YPEL5: variants seen among roughly 807,000 people sequenced by gnomAD.
YPEL5 encodes the protein yippee like 5, also known as protein yippee-like 5.
YPEL5 carries 1 observed loss-of-function variant against 10.5 expected under a neutral mutation model. The observed-to-expected ratio is 0.10, with a 90% CI of 0.03 to 0.45. The LOEUF (loss-of-function observed/expected upper bound fraction) is 0.45. Among genes scored for constraint, YPEL5 ranks in the 20% least tolerant of loss-of-function variants. The pLI is 0.97. For missense variants in YPEL5, 68 were observed against 159.3 expected (o/e 0.43, Z 3.09); for synonymous variants, 61 against 56.6 (o/e 1.08, Z -0.35).
chr2:30,154,195 C>T (rs1675937472), intron 1 of YPEL5, among the ~76,000 whole-genome samples: 1 of 152,202 alleles, frequency 6.6e-6, no homozygotes, highest in African/African-American at 2.4e-5. Flanking sequence ...TACTAGTCTT[C>T]AAAGACATAC....
Position 30,158,784 on chromosome 2 carries a change from C to T in YPEL5, c.307C>T (p.Arg103Cys). 2 of 1,614,172 alleles carry T rather than the reference C, an allele frequency of 1.2e-6. No homozygotes were observed. The highest frequency in any genetic ancestry group is 1.7e-6 in the Non-Finnish European group (2 of 1,180,026). Reference protein sequence around the residue: ...RYKEGRVILERALVRESEGFE... With the variant: ...RYKEGRVILECALVRESEGFE... ...TAAGGAAGGCCGCGTGATCCTGGAA[C>T]GTGCTCTAGTTCGAGAGAGTGAGGG... Residue 103 changes from arginine to cysteine, a missense_variant, in exon 3 of 3, where the codon CGT (arginine) becomes TGT (cysteine). Physicochemically the swap from Arg to Cys is radical, Grantham distance 180. Around this residue, in one of 2 missense-constraint regions of YPEL5, gnomAD observed 48 missense variants for 138.4 expected, o/e 0.35. Coordinates refer to ENST00000261353, the MANE Select transcript of YPEL5 (RefSeq NM_016061.3).
rs73923271 is a variant in YPEL5 at position 30,153,353 on chromosome 2, C to T, written c.-24-3275C>T. 9.0e-3 allele frequency among the ~76,000 whole-genome samples: 1,372 copies of T among 152,258 alleles called. 26 individuals carry two copies. Among genetic ancestry groups the T allele is most frequent in the African/African-American group, 0.032 (1,318 of 41,538 alleles). On this transcript the variant is annotated intron_variant, in intron 1 of 2. Transcript: ENST00000261353. ...AAGATTCAATGTCTGTTGATGGTAC[C>T]TTTTAGCTTCGTCCTCACATGGTGG...
rs1676223887 is a variant in YPEL5 at position 30,160,317 on chromosome 2, A to G, written c.*1474A>G. The G allele has an allele frequency of 6.6e-6, 1 of 152,228 alleles. No homozygotes were observed. The highest frequency in any genetic ancestry group is 2.4e-5 in the African/African-American group (1 of 41,460). The allele number at this position is 152,228 out of a possible 1,614,324, so 9.4% of individuals were successfully genotyped here. ...CCTATTTGCCACTGGGCTGTTGGTTAGAAGCATAGGTAACTGATTAAGTAG... is the reference window on the plus strand; with the variant it reads ...CCTATTTGCCACTGGGCTGTTGGTTGGAAGCATAGGTAACTGATTAAGTAG... On this transcript the variant is annotated 3_prime_UTR_variant, in exon 3 of 3. Coordinates refer to ENST00000261353, the MANE Select transcript of YPEL5 (RefSeq NM_016061.3).
chr2:30,156,913 C>G lies in YPEL5; in HGVS notation c.141+121C>G, dbSNP rs769302790. ...AGTCAGAATGAGAGCTTGAAATCTA[C>G]AGAAATGATTGCCCACTAGCTCGTC... On this transcript the variant is annotated intron_variant, in intron 2 of 2. Coordinates refer to ENST00000261353, the MANE Select transcript of YPEL5 (RefSeq NM_016061.3). The G allele has an allele frequency of 7.0e-5, 85 of 1,206,382 alleles. No individual in the cohort carries two copies. The Middle Eastern group carries it at 9.8e-4, about 14-fold the overall frequency. The allele number at this position is 1,206,382 out of a possible 1,614,324, so 74.7% of individuals were successfully genotyped here.
intron 1 of YPEL5, among the ~76,000 whole-genome samples, chr2:30,152,457 T>G (rs1333101599): frequency 1.3e-5 from 2 of 152,192 alleles, no homozygotes; most frequent in African/African-American, 4.8e-5. Flanking sequence ...GAAGTCTTGT[T>G]AATTTTGCAG....
chr2:30,158,488 A>T, intron 2 of YPEL5, 131 bp from the exon 3 acceptor site: 1 of 840,464 alleles, frequency 1.2e-6, no homozygotes, highest in Non-Finnish European at 1.9e-6. Flanking sequence ...CTTGCGTATT[A>T]TAGGTTTGAC....
Position 30,159,406 on chromosome 2 carries a change from T to A in YPEL5, c.*563T>A, listed in dbSNP as rs1199369994. ...CAGAGCCCATTCTTCCTTGTCAGTC[T>A]TGGCCCAAAGATGTCACCATTCCTA... On this transcript the variant is annotated 3_prime_UTR_variant, in exon 3 of 3. Transcript: ENST00000261353. 1 of 153,348 alleles carries A rather than the reference T, an allele frequency of 6.5e-6. No homozygotes were observed. The highest frequency in any genetic ancestry group is 2.4e-5 in the African/African-American group (1 of 41,566). 9.5% of individuals were successfully genotyped at this position (153,348 alleles called of 1,614,324 possible). A position where few individuals can be genotyped will look rare whatever the true frequency, so the allele number is the denominator to read the frequency against.
intron 1 of YPEL5, among the ~76,000 whole-genome samples, chr2:30,153,749 T>C (rs1379698854): frequency 6.6e-6 from 1 of 152,248 alleles, no homozygotes; most frequent in East Asian, 1.9e-4. Flanking sequence ...CAGTTCTATA[T>C]GTATAATTCT....
rs116113562 is a variant in YPEL5, at chr2:30,149,660, G to T, written c.-25+2598G>T. The stretch of plus-strand genomic sequence containing the variant: ...ACGAGATAGGAAAGCTGGCTTCCAC[G>T]GGATTCCATTTTAGCAGAGTCATTG... On this transcript the variant is annotated intron_variant, in intron 1 of 2. Coordinates refer to ENST00000261353, the MANE Select transcript of YPEL5 (RefSeq NM_016061.3). Among the ~76,000 whole-genome samples, 476 of 152,324 alleles carry T rather than the reference G, an allele frequency of 3.1e-3. 1 individual carries two copies. The highest frequency in any genetic ancestry group is 0.011 in the African/African-American group (459 of 41,568).
chr2:30,152,532 A>G (rs908770871), intron 1 of YPEL5, among the ~76,000 whole-genome samples: 4 of 152,216 alleles, frequency 2.6e-5, no homozygotes, highest in Non-Finnish European at 2.9e-5. Flanking sequence ...GGCATCAACC[A>G]AGATAGGGAA....
At chr2:30,150,982 TC>T (rs1572750951) in intron 1 of YPEL5, among the ~76,000 whole-genome samples, 2 of 151,782 alleles carry the variant, frequency 1.3e-5, no homozygotes, top group Non-Finnish European at 2.9e-5. Flanking sequence ...TATTCTCCCC[TC>T]CCCCCAACCA....
chr2:30,147,483 C>T (rs1675491964), intron 1 of YPEL5: 1 of 149,892 alleles, frequency 6.7e-6, no homozygotes, highest in African/African-American at 2.4e-5. Flanking sequence ...CCCAACCCGC[C>T]GCGCCGCGCC....
chr2:30,147,935 G>A (rs1023380383), intron 1 of YPEL5: 1 of 152,292 alleles, frequency 6.6e-6, no homozygotes, highest in Non-Finnish European at 1.5e-5. Flanking sequence ...GGGCCGGCGG[G>A]GGCGCTCGCG....
At chr2:30,148,700 G>A (rs1437777790) in intron 1 of YPEL5, among the ~76,000 whole-genome samples, 1 of 152,144 alleles carries the variant, frequency 6.6e-6, no homozygotes, top group South Asian at 2.1e-4. Flanking sequence ...GGATCATTGC[G>A]AACTTTTCTC....
intron 1 of YPEL5, among the ~76,000 whole-genome samples, chr2:30,149,513 CA>C (rs1253013675): frequency 6.6e-6 from 1 of 152,174 alleles, no homozygotes; most frequent in Admixed American, 6.5e-5. Flanking sequence ...AGTCACAACT[CA>C]GTATAAAGAG....
rs533195753 is a variant in YPEL5, at chr2:30,158,210, T to C, written c.142-409T>C. ...AGAAACAAACTGACAGACTGTTTTA[T>C]GGAATAACTATGGTGCATTAGGTTC... On this transcript the variant is annotated intron_variant, in intron 2 of 2. Transcript: ENST00000261353. Among the ~76,000 whole-genome samples the C allele has an allele frequency of 9.8e-5, 15 of 152,360 alleles. No individual in the cohort carries two copies. In the South Asian group the frequency reaches 3.1e-3, roughly 32 times the overall value.
chr2:30,157,101 G>T (rs538957379), intron 2 of YPEL5, among the ~76,000 whole-genome samples: 6 of 152,226 alleles, frequency 3.9e-5, no homozygotes, highest in Non-Finnish European at 2.9e-5. Context: ...TGGCCAACAT[G>T]GTGAAACACC....
At chr2:30,151,227 C>CA (rs1305050348) in intron 1 of YPEL5, among the ~76,000 whole-genome samples, 1 of 152,028 alleles carries the variant, frequency 6.6e-6, no homozygotes, top group African/African-American at 2.4e-5. Context: ...TCCATCATAT[C>CA]CATCATGCAT....
At position 30,156,933 on chromosome 2, in the gene YPEL5, C is replaced by T. The variant is rs1028452153; in HGVS notation, c.141+141C>T. The T allele has an allele frequency of 1.2e-5, 12 of 1,034,226 alleles. No homozygotes were observed. In the African/African-American group the frequency reaches 1.6e-4, roughly 14 times the overall value. 64.1% of individuals were successfully genotyped at this position (1,034,226 alleles called of 1,614,324 possible). On this transcript the variant is annotated intron_variant, in intron 2 of 2. Transcript: ENST00000261353. ...ATCTACAGAAATGATTGCCCACTAGCTCGTCTTTGATGGGACCTTAGGAAG... is the reference window on the plus strand; with the variant it reads ...ATCTACAGAAATGATTGCCCACTAGTTCGTCTTTGATGGGACCTTAGGAAG...
Sources: gnomAD v4.1 joint callset for allele counts (sites outside exome capture counted in the v4.1 genomes callset) on GRCh38, gnomAD v4.1.1 for gene constraint, gnomAD v4.1.1 regional missense constraint, MANE v1.5 for transcripts, NCBI Gene and HGNC (gene_info 2026-07-23, HGNC 2026-07-21) for gene names.